WDFY2: variants seen among roughly 807,000 people sequenced by gnomAD.
WDFY2 encodes the protein WD repeat and FYVE domain-containing protein 2.
A neutral mutation model predicts 56.4 loss-of-function variants in WDFY2; 36 were observed. That is an observed-to-expected ratio of 0.64 (90% confidence interval 0.49 to 0.84). WDFY2 has a LOEUF of 0.84. WDFY2 is among the 40% of genes least tolerant of loss of function. WDFY2 has a pLI of 0.00. For synonymous variants in WDFY2, 176 were observed against 183.7 expected (o/e 0.96, Z 0.34); for missense variants, 444 against 512.2 (o/e 0.87, Z 1.29).
chr13:51,751,246 T>C lies in WDFY2; in HGVS notation c.726-64T>C. The C allele has an allele frequency of 3.9e-6, 6 of 1,539,684 alleles. No homozygotes were observed. The Admixed American group carries it at 1.1e-4, about 29-fold the overall frequency. ...AGCACATTGGCTGACTTTGCCAAGGTTTCTGCTGCGAGGCCTTGCATTTGT... is the reference window on the plus strand; with the variant it reads ...AGCACATTGGCTGACTTTGCCAAGGCTTCTGCTGCGAGGCCTTGCATTTGT... On this transcript the variant is annotated intron_variant, in intron 7 of 11. Coordinates refer to ENST00000298125, the MANE Select transcript of WDFY2 (RefSeq NM_052950.4).
chr13:51,624,892 A>G (rs767695628), intron 1 of WDFY2, among the ~76,000 whole-genome samples: 1 of 152,168 alleles, frequency 6.6e-6, no homozygotes, highest in African/African-American at 2.4e-5. Context: ...TCTGGGAGGA[A>G]GTGAGAGAAA....
intron 1 of WDFY2, among the ~76,000 whole-genome samples, chr13:51,632,350 T>C (rs1190850828): frequency 1.3e-5 from 2 of 152,162 alleles, no homozygotes; most frequent in African/African-American, 2.4e-5. Context: ...CTGTTTTTTT[T>C]CCCATTATTT....
chr13:51,732,097 G>A (rs960061786), intron 6 of WDFY2, among the ~76,000 whole-genome samples: 2 of 152,140 alleles, frequency 1.3e-5, no homozygotes, highest in African/African-American at 4.8e-5. Flanking sequence ...GTATTTCTAT[G>A]AAAAAGTCGT....
At chr13:51,626,905 G>C (rs1954844273) in intron 1 of WDFY2, among the ~76,000 whole-genome samples, 1 of 152,190 alleles carries the variant, frequency 6.6e-6, no homozygotes, top group African/African-American at 2.4e-5. Context: ...TGCTTGGCTT[G>C]TGCTGCCAGC....
chr13:51,682,494 G>A (rs1368713860), intron 3 of WDFY2, among the ~76,000 whole-genome samples: 3 of 152,170 alleles, frequency 2.0e-5, no homozygotes, highest in African/African-American at 7.2e-5. Flanking sequence ...TAATGAGCGA[G>A]TAAATGAATG....
At chr13:51,649,177 G>C (rs1048565957) in intron 1 of WDFY2, among the ~76,000 whole-genome samples, 5 of 152,172 alleles carry the variant, frequency 3.3e-5, no homozygotes, top group African/African-American at 1.2e-4. Context: ...AAATAGCCCA[G>C]TTGCTGAACT....
intron 1 of WDFY2, among the ~76,000 whole-genome samples, chr13:51,629,252 C>T (rs1954901967): frequency 2.0e-5 from 3 of 152,296 alleles, no homozygotes; most frequent in South Asian, 4.1e-4. Flanking sequence ...GGTCTCTAAA[C>T]GTTCATGTAG....
intron 4 of WDFY2, among the ~76,000 whole-genome samples, chr13:51,718,834 C>T (rs534503762): frequency 3.3e-5 from 5 of 152,324 alleles, no homozygotes; most frequent in Non-Finnish European, 7.3e-5. Flanking sequence ...TTTGTGGTCA[C>T]ACTGGATGTG....
intron 1 of WDFY2, among the ~76,000 whole-genome samples, chr13:51,600,503 C>T (rs925780386): frequency 2.0e-5 from 3 of 152,312 alleles, no homozygotes; most frequent in East Asian, 1.9e-4. Context: ...CATGGCATAA[C>T]ATGGCTGCCG....
intron 7 of WDFY2, among the ~76,000 whole-genome samples, chr13:51,750,892 C>T (rs1212077263): frequency 6.6e-6 from 1 of 152,070 alleles, no homozygotes; most frequent in Non-Finnish European, 1.5e-5. Flanking sequence ...ATCCAGTGGG[C>T]ATCTCAATGG....
intron 1 of WDFY2, among the ~76,000 whole-genome samples, chr13:51,651,903 A>T (rs183790469): frequency 6.6e-6 from 1 of 152,272 alleles, no homozygotes; most frequent in East Asian, 1.9e-4. Context: ...AATTCTGTAG[A>T]TGTCTATTAG....
intron 1 of WDFY2, among the ~76,000 whole-genome samples, chr13:51,649,809 T>C (rs1479516534): frequency 6.6e-6 from 1 of 152,218 alleles, no homozygotes; most frequent in Admixed American, 6.5e-5. Context: ...CATGCTGTTT[T>C]GGTTACTGTA....
chr13:51,634,046 T>G (rs927169880), intron 1 of WDFY2, among the ~76,000 whole-genome samples: 1 of 152,180 alleles, frequency 6.6e-6, no homozygotes, highest in Non-Finnish European at 1.5e-5. Flanking sequence ...TTCTAAGAGG[T>G]TAAATTAATT....
intron 3 of WDFY2, among the ~76,000 whole-genome samples, chr13:51,683,261 C>T (rs1956007947): frequency 6.6e-6 from 1 of 152,176 alleles, no homozygotes; most frequent in African/African-American, 2.4e-5. Flanking sequence ...ATTTGATAGA[C>T]CAATGTCCAG....
chr13:51,654,884 C>T (rs1955479628), intron 1 of WDFY2, among the ~76,000 whole-genome samples: 1 of 151,738 alleles, frequency 6.6e-6, no homozygotes, highest in Non-Finnish European at 1.5e-5. Flanking sequence ...TTATCAATTG[C>T]CTTCAATACA....
chr13:51,709,979 CA>C (rs970061191), intron 4 of WDFY2, among the ~76,000 whole-genome samples: 1 of 150,672 alleles, frequency 6.6e-6, no homozygotes, highest in East Asian at 1.9e-4. Flanking sequence ...AGAGACACAA[CA>C]AAAAAAAAGA....
chr13:51,682,198 G>A (rs1220754915), intron 3 of WDFY2, among the ~76,000 whole-genome samples: 1 of 152,180 alleles, frequency 6.6e-6, no homozygotes, highest in Admixed American at 6.5e-5. Context: ...ATCTACAGGA[G>A]TTACCTTGGC....
intron 4 of WDFY2, among the ~76,000 whole-genome samples, chr13:51,707,846 G>T (rs895107052): frequency 1.4e-5 from 2 of 147,732 alleles, no homozygotes; most frequent in Non-Finnish European, 1.5e-5. Context: ...GTATACTATT[G>T]TAGGTTCTAG....
At chr13:51,695,020 C>G (rs1001779851) in intron 3 of WDFY2, among the ~76,000 whole-genome samples, 1 of 152,218 alleles carries the variant, frequency 6.6e-6, no homozygotes, top group South Asian at 2.1e-4. Flanking sequence ...CAAGCCTTGG[C>G]TTTCAGCTCC....
Sources: gnomAD v4.1 joint callset for allele counts (sites outside exome capture counted in the v4.1 genomes callset) on GRCh38, gnomAD v4.1.1 for gene constraint, MANE v1.5 for transcripts, NCBI Gene and HGNC (gene_info 2026-07-23, HGNC 2026-07-21) for gene names.